PPFIA2: variants seen among roughly 807,000 people sequenced by gnomAD.
PPFIA2 encodes the protein PPFI scaffold protein A2, also known as liprin-alpha-2.
Under a neutral mutation model 175.5 loss-of-function variants are expected in PPFIA2, and 46 were observed. The observed-to-expected ratio is 0.26, with a 90% CI of 0.21 to 0.34. The LOEUF (loss-of-function observed/expected upper bound fraction) is 0.34, where lower values mean the gene tolerates loss of function less well. PPFIA2 is among the 10% of genes least tolerant of loss of function. The probability of loss-of-function intolerance (pLI) is 1.00; values close to 1 mark genes in which losing one functional copy is unlikely to be tolerated. For synonymous variants in PPFIA2, 568 were observed against 511.4 expected (o/e 1.11, Z -1.49); for missense variants, 1,179 against 1,506.1 (o/e 0.78, Z 3.60).
intron 7 of PPFIA2, among the ~76,000 whole-genome samples, chr12:81,408,113 T>A (rs192877872): frequency 6.6e-6 from 1 of 152,142 alleles, no homozygotes; most frequent in Admixed American, 6.5e-5. Context: ...AGATAAAGAT[T>A]TGGAGTGTAA....
At chr12:81,362,927 C>A in intron 14 of PPFIA2, 143 bp from the exon 15 acceptor site, 3 of 450,092 alleles carry the variant, frequency 6.7e-6, no homozygotes, top group South Asian at 1.1e-4. Flanking sequence ...ATAAAGCACG[C>A]CAAAATTTTC....
intron 22 of PPFIA2, among the ~76,000 whole-genome samples, chr12:81,324,525 G>C (rs2054335413): frequency 6.6e-6 from 1 of 151,886 alleles, no homozygotes; most frequent in African/African-American, 2.4e-5. Context: ...TTTTAGACTG[G>C]AAATCAACTG....
At chr12:81,609,483 T>C (rs951689460) in intron 4 of PPFIA2, among the ~76,000 whole-genome samples, 1 of 152,174 alleles carries the variant, frequency 6.6e-6, no homozygotes, top group African/African-American at 2.4e-5. Flanking sequence ...ACATTTAGAA[T>C]GGTTAAGTCT....
chr12:81,579,805 C>T (rs2074127566), intron 4 of PPFIA2, among the ~76,000 whole-genome samples: 1 of 151,850 alleles, frequency 6.6e-6, no homozygotes, highest in East Asian at 1.9e-4. Context: ...CTCTTATACA[C>T]TATTTTCCAA....
intron 11 of PPFIA2, 120 bp from the exon 12 acceptor site, chr12:81,369,314 A>T (rs1000718609): frequency 6.6e-7 from 1 of 1,520,480 alleles, no homozygotes; most frequent in Non-Finnish European, 8.8e-7. Flanking sequence ...GTTTTTAAAA[A>T]ATAAACTTTC....
In PPFIA2 at chr12:81,258,853, T is replaced by G. The variant is rs1466966246; in HGVS notation, c.*841A>C. 2.0e-5 allele frequency: 3 copies of G among 150,216 alleles called. No homozygotes were observed. In the South Asian group the frequency reaches 6.2e-4, roughly 31 times the overall value. The allele number at this position is 150,216 out of a possible 1,614,324, so 9.3% of individuals were successfully genotyped here. On this transcript the variant is annotated 3_prime_UTR_variant, in exon 33 of 33. Coordinates refer to ENST00000549396, the MANE Select transcript of PPFIA2 (RefSeq NM_003625.5). ...GAACATGTGGTTCTTAGTAAAGAAG[T>G]TTTTTTATCTTTTTTTTTTTCTTGG...
intron 19 of PPFIA2, among the ~76,000 whole-genome samples, chr12:81,343,407 G>C (rs1469529332): frequency 6.6e-6 from 1 of 152,056 alleles, no homozygotes; most frequent in Non-Finnish European, 1.5e-5. Context: ...TGGTAAATAA[G>C]AATGAACTGG....
chr12:81,297,294 G>C (rs534052231), intron 23 of PPFIA2, among the ~76,000 whole-genome samples: 3 of 152,112 alleles, frequency 2.0e-5, no homozygotes, highest in African/African-American at 7.2e-5. Flanking sequence ...GAAGTCATGA[G>C]ATCATAAATG....
intron 21 of PPFIA2, among the ~76,000 whole-genome samples, chr12:81,330,975 C>T (rs975336758): frequency 2.0e-5 from 3 of 152,164 alleles, no homozygotes; most frequent in Admixed American, 6.5e-5. Flanking sequence ...TTTCACTATG[C>T]AGAGCATGAG....
chr12:81,643,101 A>G (rs899067042), intron 4 of PPFIA2, among the ~76,000 whole-genome samples: 5 of 149,392 alleles, frequency 3.3e-5, no homozygotes, highest in Admixed American at 1.3e-4. Context: ...TATATTTCAT[A>G]AATATATTCA....
At chr12:81,709,192 C>A (rs1198724956) in intron 3 of PPFIA2, among the ~76,000 whole-genome samples, 1 of 152,058 alleles carries the variant, frequency 6.6e-6, no homozygotes, top group Non-Finnish European at 1.5e-5. Context: ...CCTTGCTGTT[C>A]CCTCTTCCTA....
rs78781584 is a variant in PPFIA2, at chr12:81,336,928, A to G, written c.2548+2252T>C. The stretch of plus-strand genomic sequence containing the variant: ...ATTTTTCCCTAGGTTCCTCAGATGC[A>G]TGAATAAGCAGTACTAGGTTGTAGT... On this transcript the variant is annotated intron_variant, in intron 21 of 32. Transcript: ENST00000549396. Among the ~76,000 whole-genome samples the G allele has an allele frequency of 9.0e-3, 1,374 of 152,252 alleles. 26 individuals carry two copies. Among genetic ancestry groups the G allele is most frequent in the African/African-American group, 0.031 (1,285 of 41,564 alleles).
In PPFIA2 at chr12:81,574,851, T is replaced by C. The variant is rs150117703; in HGVS notation, c.303+101940A>G. 4.2e-3 allele frequency among the ~76,000 whole-genome samples: 638 copies of C among 151,976 alleles called. 2 individuals are homozygous for C. The highest frequency in any genetic ancestry group is 0.014 in the African/African-American group (601 of 41,518). On this transcript the variant is annotated intron_variant, in intron 4 of 32. Transcript: ENST00000549396. ...CAAAGTTTAATTGTTTGCTGCTGTA[T>C]GCCTTTGTGTTACCAAGGGTTAGAT...
chr12:81,731,486 G>A (rs971689575), intron 3 of PPFIA2, among the ~76,000 whole-genome samples: 1 of 151,566 alleles, frequency 6.6e-6, no homozygotes, highest in Non-Finnish European at 1.5e-5. Context: ...AACATTGCGA[G>A]CAAATGCATT....
At chr12:81,738,985 G>C (rs1030569946) in intron 3 of PPFIA2, among the ~76,000 whole-genome samples, 1 of 151,782 alleles carries the variant, frequency 6.6e-6, no homozygotes, top group Admixed American at 6.6e-5. Context: ...GAAAATACCA[G>C]TCCAGAAATA....
chr12:81,642,903 T>A (rs1401846213), intron 4 of PPFIA2, among the ~76,000 whole-genome samples: 1 of 144,328 alleles, frequency 6.9e-6, no homozygotes, highest in Non-Finnish European at 1.5e-5. Flanking sequence ...TTATGTTATA[T>A]ACACACAAAT....
At chr12:81,330,718 A>C (rs2055939562) in intron 21 of PPFIA2, among the ~76,000 whole-genome samples, 2 of 152,216 alleles carry the variant, frequency 1.3e-5, no homozygotes, top group Non-Finnish European at 2.9e-5. Context: ...ATCTCTAACT[A>C]CTACAATCTG....
chr12:81,441,635 T>C (rs540924506), intron 6 of PPFIA2, among the ~76,000 whole-genome samples: 22 of 152,250 alleles, frequency 1.4e-4, no homozygotes, highest in Admixed American at 5.2e-4. Flanking sequence ...TTTTTATGAA[T>C]TTTGAATACA....
chr12:81,730,471 C>G (rs2080731104), intron 3 of PPFIA2, among the ~76,000 whole-genome samples: 1 of 151,512 alleles, frequency 6.6e-6, no homozygotes, highest in African/African-American at 2.4e-5. Flanking sequence ...AGGGGAAATG[C>G]CAGATGCTTA....
Sources: allele counts gnomAD v4.1 joint callset (sites outside exome capture counted in the v4.1 genomes callset), GRCh38; gene constraint gnomAD v4.1.1; transcripts MANE v1.5; gene names NCBI Gene and HGNC (gene_info 2026-07-23, HGNC 2026-07-21).